The following LSAMP variants were observed in gnomAD, a reference collection of about 807,000 sequenced individuals.
LSAMP encodes the protein limbic system-associated membrane protein.
Under a neutral mutation model 38.6 loss-of-function variants are expected in LSAMP, and 7 were observed. The observed-to-expected ratio is 0.18, with a 90% CI of 0.10 to 0.34. The LOEUF (loss-of-function observed/expected upper bound fraction) is 0.34. LSAMP is among the 10% of genes least tolerant of loss of function. LSAMP has a pLI of 1.00. For missense variants in LSAMP, 313 were observed against 420.0 expected (o/e 0.75, Z 2.23); for synonymous variants, 154 against 166.8 (o/e 0.92, Z 0.59).
intron 2 of LSAMP, among the ~76,000 whole-genome samples, chr3:116,084,455 C>CAAAAAAAAAA (rs57753152): frequency 9.8e-6 from 1 of 102,382 alleles, no homozygotes; most frequent in Non-Finnish European, 2.2e-5. Context: ...AAAATCATGG[C>CAAAAAAAAAA]AAAAAAAAAA....
chr3:116,097,157 A>G (rs1708241997), intron 1 of LSAMP, among the ~76,000 whole-genome samples: 2 of 152,188 alleles, frequency 1.3e-5, no homozygotes, highest in South Asian at 2.1e-4. Context: ...CAGCTATTTG[A>G]AGAAAATTGT....
chr3:116,333,474 C>T (rs1156572713), intron 1 of LSAMP, among the ~76,000 whole-genome samples: 1 of 147,708 alleles, frequency 6.8e-6, no homozygotes, highest in African/African-American at 2.5e-5. Flanking sequence ...GCGGAGGTTG[C>T]AGTGAGCAAG....
chr3:116,373,158 G>A (rs1306342864), intron 1 of LSAMP, among the ~76,000 whole-genome samples: 1 of 151,368 alleles, frequency 6.6e-6, no homozygotes, highest in Non-Finnish European at 1.5e-5. Flanking sequence ...AAACATGGAA[G>A]CAACCTAACT....
intron 1 of LSAMP, among the ~76,000 whole-genome samples, chr3:116,320,427 G>GTAATAA (rs963680967): frequency 1.3e-5 from 2 of 151,064 alleles, no homozygotes; most frequent in African/African-American, 4.9e-5. Context: ...AATAATAATA[G>GTAATAA]TAATAATAAT....
At chr3:116,032,082 A>G (rs1198387293) in intron 2 of LSAMP, among the ~76,000 whole-genome samples, 1 of 152,106 alleles carries the variant, frequency 6.6e-6, no homozygotes, top group African/African-American at 2.4e-5. Context: ...AGAAATCCCA[A>G]ACGAAACCTT....
Position 116,401,054 on chromosome 3 carries a change from C to T in LSAMP, c.155+43823G>A, listed in dbSNP as rs531434464. ...TAGTGATGTTGTTCTGCTTTAGCTG[C>T]GTATTTTCCTAGGTAAACCCTGGCC... On this transcript the variant is annotated intron_variant, in intron 1 of 6. Transcript: ENST00000490035. Among the ~76,000 whole-genome samples, 43 of 152,216 alleles carry T rather than the reference C, an allele frequency of 2.8e-4. 1 individual carries two copies. The South Asian group carries it at 7.9e-3, about 28-fold the overall frequency.
intron 3 of LSAMP, among the ~76,000 whole-genome samples, chr3:115,978,852 T>C (rs1296239809): frequency 6.6e-6 from 1 of 152,144 alleles, no homozygotes; most frequent in African/African-American, 2.4e-5. Flanking sequence ...ATGCCAAGAC[T>C]ATTTGATTTT....
chr3:116,111,373 G>GA (rs1484221532), intron 1 of LSAMP, among the ~76,000 whole-genome samples: 8 of 152,166 alleles, frequency 5.3e-5, no homozygotes, highest in African/African-American at 1.9e-4. Flanking sequence ...TATTCTCTCT[G>GA]ATTTGTGCCT....
intron 3 of LSAMP, among the ~76,000 whole-genome samples, chr3:115,995,838 G>A (rs893716226): frequency 6.6e-6 from 1 of 152,058 alleles, no homozygotes; most frequent in East Asian, 1.9e-4. Context: ...GAGCTGGTGA[G>A]GAAACTTGTA....
At chr3:116,139,483 TTC>T (rs1454577243) in intron 1 of LSAMP, among the ~76,000 whole-genome samples, 8 of 151,958 alleles carry the variant, frequency 5.3e-5, no homozygotes, top group Non-Finnish European at 8.8e-5. Flanking sequence ...AAAGACTAAA[TTC>T]TGTCTTCAAA....
At chr3:116,243,032 C>T (rs2046559110) in intron 1 of LSAMP, among the ~76,000 whole-genome samples, 1 of 152,132 alleles carries the variant, frequency 6.6e-6, no homozygotes, top group African/African-American at 2.4e-5. Context: ...AATGAGAAGT[C>T]AACCAGGGGA....
rs894386578 is a variant in LSAMP, at chr3:115,804,476, C to T, written c.*5841G>A. On this transcript the variant is annotated 3_prime_UTR_variant, in exon 7 of 7. Coordinates refer to ENST00000490035, the MANE Select transcript of LSAMP (RefSeq NM_002338.5). The stretch of plus-strand genomic sequence containing the variant: ...ACTCCCAATTCAATACACCTTCTAC[C>T]TCACTTTAAAGTTGTCAGTTTATCT... 2.0e-5 allele frequency: 3 copies of T among 152,172 alleles called. No homozygotes were observed. The highest frequency in any genetic ancestry group is 6.5e-5 in the Admixed American group (1 of 15,274). The allele number at this position is 152,172 out of a possible 1,614,324, so 9.4% of individuals were successfully genotyped here. A position where few individuals can be genotyped will look rare whatever the true frequency, so the allele number is the denominator to read the frequency against.
chr3:115,893,409 CAAAAG>C (rs1936649938), intron 3 of LSAMP, among the ~76,000 whole-genome samples: 2 of 151,950 alleles, frequency 1.3e-5, no homozygotes, highest in Non-Finnish European at 1.5e-5. Flanking sequence ...GTGATCAGCA[CAAAAG>C]AAAACTTGAA....
chr3:116,080,488 T>C (rs2107408023), intron 2 of LSAMP, among the ~76,000 whole-genome samples: 1 of 152,356 alleles, frequency 6.6e-6, no homozygotes, highest in African/African-American at 2.4e-5. Flanking sequence ...GGTTTGGAGA[T>C]AGTAATTAAT....
chr3:115,860,064 T>G (rs763159122), intron 3 of LSAMP, among the ~76,000 whole-genome samples: 1 of 152,274 alleles, frequency 6.6e-6, no homozygotes, highest in Admixed American at 6.5e-5. Context: ...TGATCATCAC[T>G]GTATCCCTTC....
intron 1 of LSAMP, among the ~76,000 whole-genome samples, chr3:116,128,866 A>T (rs1709065265): frequency 6.6e-6 from 1 of 152,198 alleles, no homozygotes; most frequent in South Asian, 2.1e-4. Context: ...AAAGAACATT[A>T]AAACAATGTG....
intron 1 of LSAMP, among the ~76,000 whole-genome samples, chr3:116,308,639 A>G (rs2047516632): frequency 1.3e-5 from 2 of 151,906 alleles, no homozygotes; most frequent in South Asian, 4.1e-4. Flanking sequence ...TTCTATTGTC[A>G]CCTGTCCTAA....
intron 1 of LSAMP, among the ~76,000 whole-genome samples, chr3:116,249,084 G>A (rs1219803281): frequency 2.0e-5 from 3 of 149,936 alleles, no homozygotes; most frequent in Non-Finnish European, 4.4e-5. Context: ...AGGAGGTGGA[G>A]CTTGCAGTGG....
At chr3:116,398,375 G>A (rs927987171) in intron 1 of LSAMP, among the ~76,000 whole-genome samples, 3 of 152,168 alleles carry the variant, frequency 2.0e-5, no homozygotes, top group Admixed American at 6.5e-5. Context: ...CAGAGACATC[G>A]CTTCTCTAAT....
Sources: gnomAD v4.1 joint callset for allele counts (sites outside exome capture counted in the v4.1 genomes callset) on GRCh38, gnomAD v4.1.1 for gene constraint, MANE v1.5 for transcripts, NCBI Gene and HGNC (gene_info 2026-07-23, HGNC 2026-07-21) for gene names.